Variants in MCTP1 observed in about 807,000 individuals in gnomAD.
MCTP1 encodes multiple C2 and transmembrane domain containing 1.
A neutral mutation model predicts 120.6 loss-of-function variants in MCTP1; 69 were observed. That is an observed-to-expected ratio of 0.57 (90% confidence interval 0.47 to 0.70). The LOEUF is 0.70. MCTP1 is among the 30% of genes least tolerant of loss of function. The pLI is 0.00. For synonymous variants in MCTP1, 529 were observed against 493.1 expected (o/e 1.07, Z -0.96); for missense variants, 1,203 against 1,248.8 (o/e 0.96, Z 0.55).
chr5:94,861,486 T>C (rs1429002019), intron 17 of MCTP1, among the ~76,000 whole-genome samples: 1 of 151,836 alleles, frequency 6.6e-6, no homozygotes, highest in Admixed American at 6.6e-5. Flanking sequence ...CTAAAGCATA[T>C]TAATGACTGA....
chr5:95,144,939 GACGTTGAT>G (rs1437765353), intron 1 of MCTP1, among the ~76,000 whole-genome samples: 3 of 152,114 alleles, frequency 2.0e-5, no homozygotes, highest in Non-Finnish European at 2.9e-5. Flanking sequence ...TGGAAAAAAT[GACGTTGAT>G]ATTTTGATAG....
intron 19 of MCTP1, among the ~76,000 whole-genome samples, chr5:94,765,983 G>A (rs192661116): frequency 2.0e-5 from 3 of 152,246 alleles, no homozygotes; most frequent in Non-Finnish European, 4.4e-5. Flanking sequence ...GGTGGCTCAC[G>A]CTTGTAATCC....
chr5:95,159,318 G>A (rs1228100737), intron 1 of MCTP1, among the ~76,000 whole-genome samples: 1 of 152,146 alleles, frequency 6.6e-6, no homozygotes, highest in East Asian at 1.9e-4. Context: ...GATTCAAGAG[G>A]CTATGCTAAT....
chr5:95,235,206 A>G (rs1373626021), intron 1 of MCTP1, among the ~76,000 whole-genome samples: 1 of 151,978 alleles, frequency 6.6e-6, no homozygotes, highest in African/African-American at 2.4e-5. Flanking sequence ...AAACACAAAA[A>G]TAAAATCCAC....
At chr5:94,945,773 G>A (rs989576994) in intron 3 of MCTP1, among the ~76,000 whole-genome samples, 12 of 152,208 alleles carry the variant, frequency 7.9e-5, no homozygotes, top group Admixed American at 5.9e-4. Context: ...AGAGTGGGAG[G>A]TGTTTCCCCA....
chr5:95,018,529 C>T (rs1213066613), intron 1 of MCTP1, among the ~76,000 whole-genome samples: 1 of 143,688 alleles, frequency 7.0e-6, no homozygotes, highest in South Asian at 2.4e-4. Context: ...GTTTTAAGAC[C>T]AAGGCAAATA....
At chr5:94,783,279 T>C (rs1215862419) in intron 18 of MCTP1, among the ~76,000 whole-genome samples, 4 of 152,132 alleles carry the variant, frequency 2.6e-5, no homozygotes, top group Non-Finnish European at 4.4e-5. Context: ...ATTCAATATT[T>C]GCTGAACATT....
intron 1 of MCTP1, among the ~76,000 whole-genome samples, chr5:95,078,762 A>C (rs1486191906): frequency 6.6e-6 from 1 of 152,100 alleles, no homozygotes; most frequent in Non-Finnish European, 1.5e-5. Flanking sequence ...TCTACTACTA[A>C]TTGTGTGATG....
rs1487162126 is a variant in MCTP1, at chr5:95,284,194, G to A, written c.382C>T (p.His128Tyr). 2 of 1,546,808 alleles carry A rather than the reference G, an allele frequency of 1.3e-6. No individual in the cohort carries two copies. Among genetic ancestry groups the A allele is most frequent in the East Asian group, 4.8e-5 (2 of 41,336 alleles). ...GGCCCCTTTACGGCGGGGAGCAAATGCTCGCGGATCCGGCGGCGTAGCGTG... is the reference window on the plus strand; with the variant it reads ...GGCCCCTTTACGGCGGGGAGCAAATACTCGCGGATCCGGCGGCGTAGCGTG... ...GSTLRRRIREHLLPAVKGPAA... is the reference protein window; with the variant it reads ...GSTLRRRIREYLLPAVKGPAA... The change falls in exon 1 of 23, where the codon CAT (histidine) becomes TAT (tyrosine). Residue 128 changes from histidine to tyrosine, a missense_variant. Coordinates refer to ENST00000515393, the MANE Select transcript of MCTP1 (RefSeq NM_024717.7). The surrounding 1 kb of genome is among the most constrained non-coding windows in gnomAD (Gnocchi z 5.2).
intron 1 of MCTP1, among the ~76,000 whole-genome samples, chr5:95,185,194 A>G (rs1335906195): frequency 6.6e-6 from 1 of 152,150 alleles, no homozygotes; most frequent in East Asian, 1.9e-4. Flanking sequence ...AACTTACTTT[A>G]TGAGGCTAGT....
chr5:94,803,639 T>C lies in MCTP1; in HGVS notation c.2437-4507A>G, dbSNP rs144808939. On this transcript the variant is annotated intron_variant, in intron 17 of 22. Transcript: ENST00000515393. ...ATTGATTGGCTTACACTACATATAA[T>C]TTTTTTTGGCCCTTCTAGCAGCTTA... Among the ~76,000 whole-genome samples, 654 of 152,192 alleles carry C rather than the reference T, an allele frequency of 4.3e-3. 3 individuals carry two copies. The highest frequency in any genetic ancestry group is 0.015 in the African/African-American group (633 of 41,530).
intron 19 of MCTP1, among the ~76,000 whole-genome samples, chr5:94,731,988 C>T (rs904247266): frequency 1.3e-5 from 2 of 152,104 alleles, no homozygotes; most frequent in Non-Finnish European, 2.9e-5. Flanking sequence ...ATCAGTGATA[C>T]CAGGTAGCAT....
intron 2 of MCTP1, among the ~76,000 whole-genome samples, chr5:95,004,984 C>A (rs142404812): frequency 6.6e-6 from 1 of 152,222 alleles, no homozygotes; most frequent in South Asian, 2.1e-4. Context: ...GCACTCAACA[C>A]CAACTGGTGA....
chr5:95,086,700 G>T lies in MCTP1; in HGVS notation c.721-69216C>A, dbSNP rs1370826546. On this transcript the variant is annotated intron_variant, in intron 1 of 22. Coordinates refer to ENST00000515393, the MANE Select transcript of MCTP1 (RefSeq NM_024717.7). ...AGTGGGAACAAGTTATTCATTTGAAGAAAAAAATGCTTTTTTGGAAGACAA... is the reference window on the plus strand; with the variant it reads ...AGTGGGAACAAGTTATTCATTTGAATAAAAAAATGCTTTTTTGGAAGACAA... Among the ~76,000 whole-genome samples the T allele has an allele frequency of 2.0e-5, 3 of 151,948 alleles. No individual in the cohort carries two copies. In the East Asian group the frequency reaches 5.8e-4, roughly 29 times the overall value.
chr5:94,907,136 A>G (rs1308266293), intron 10 of MCTP1, among the ~76,000 whole-genome samples: 1 of 152,214 alleles, frequency 6.6e-6, no homozygotes, highest in Non-Finnish European at 1.5e-5. Flanking sequence ...GTATAATAAC[A>G]TGTTGCTTTT....
rs192036837 is a variant in MCTP1, at chr5:94,974,356, G to A, written c.839-20995C>T. Among the ~76,000 whole-genome samples the A allele has an allele frequency of 6.9e-3, 1,043 of 152,146 alleles. 7 individuals carry two copies. Among genetic ancestry groups the A allele is most frequent in the South Asian group, 0.011 (51 of 4,810 alleles). On this transcript the variant is annotated intron_variant, in intron 2 of 22. Transcript: ENST00000515393. ...CAGGTCAGGAGTTTGAGACCAGCCT[G>A]GGCAACAACAGTAAAACCCTGTATC... is the stretch of plus-strand genomic sequence containing the variant.
intron 1 of MCTP1, among the ~76,000 whole-genome samples, chr5:95,116,072 C>G (rs545911319): frequency 6.6e-6 from 1 of 151,160 alleles, no homozygotes; most frequent in Non-Finnish European, 1.5e-5. Flanking sequence ...CCTTCGAACA[C>G]GAAGGAGAAA....
chr5:95,001,648 G>A (rs1181233475), intron 2 of MCTP1, among the ~76,000 whole-genome samples: 1 of 152,158 alleles, frequency 6.6e-6, no homozygotes. Context: ...TGAGATCTGT[G>A]GAATTTTGAA....
chr5:95,071,002 G>T (rs1475521584), intron 1 of MCTP1, among the ~76,000 whole-genome samples: 1 of 152,162 alleles, frequency 6.6e-6, no homozygotes, highest in Non-Finnish European at 1.5e-5. Flanking sequence ...CTGTTCCCAA[G>T]ATGAGGAGGC....
Sources: allele counts gnomAD v4.1 joint callset (sites outside exome capture counted in the v4.1 genomes callset), GRCh38; gene constraint gnomAD v4.1.1; non-coding constraint Gnocchi (gnomAD v3.1); transcripts MANE v1.5; gene names NCBI Gene and HGNC (gene_info 2026-07-23, HGNC 2026-07-21).